Variants in CFAP74 observed in about 807,000 individuals in gnomAD.
CFAP74 encodes the protein cilia- and flagella-associated protein 74.
In CFAP74, 124 loss-of-function variants were observed where a neutral mutation model predicts 188.9. That is an observed-to-expected ratio of 0.66 (90% CI 0.57 to 0.76). CFAP74 has a LOEUF of 0.76. Among genes scored for constraint, CFAP74 ranks in the 30% least tolerant of loss-of-function variants. The probability of loss-of-function intolerance (pLI) is 0.00; values close to 1 mark genes in which losing one functional copy is unlikely to be tolerated. For synonymous variants in CFAP74, 956 were observed against 916.7 expected (o/e 1.04, Z -0.77); for missense variants, 2,198 against 2,165.2 (o/e 1.02, Z -0.30).
chr1:2,003,251 T>C (rs1280307626), intron 1 of CFAP74, among the ~76,000 whole-genome samples: 1 of 152,232 alleles, frequency 6.6e-6, no homozygotes, highest in African/African-American at 2.4e-5. Flanking sequence ...CCTCAGTACC[T>C]GGCTTATGCA....
chr1:1,966,318 C>A (rs541531696), intron 12 of CFAP74, 53 bp downstream of exon 12: 21 of 1,417,740 alleles, frequency 1.5e-5, no homozygotes, highest in Non-Finnish European at 2.0e-5. Context: ...GGCGAGCCGG[C>A]GACAGAGGGC....
At chr1:1,972,605 GGAGGCT>G (rs1397076027) in intron 8 of CFAP74, among the ~76,000 whole-genome samples, 1 of 152,260 alleles carries the variant, frequency 6.6e-6, no homozygotes, top group Non-Finnish European at 1.5e-5. Flanking sequence ...CGGCACTTTG[GGAGGCT>G]GAGGCGGGCA....
chr1:1,968,060 GTGAA>G lies in CFAP74; in HGVS notation c.1245+571_1245+574del, dbSNP rs756345151. ...AATGAATAAGTGTATCAGTGAGTGA[GTGAA>G]TGAATGAGTGAATGAGTAAAGAGTG... On this transcript the variant is annotated intron_variant, in intron 11 of 38. Coordinates refer to ENST00000682832, the MANE Select transcript of CFAP74 (RefSeq NM_001304360.2). This position sits in a 1 kb window ranked among gnomAD's most constrained non-coding sequence, Gnocchi z 4.3. 5.4e-4 allele frequency among the ~76,000 whole-genome samples: 82 copies of G among 151,666 alleles called. No individual in the cohort carries two copies. The highest frequency in any genetic ancestry group is 5.8e-4 in the East Asian group (3 of 5,176).
chr1:1,989,015 T>A (rs1214780016), intron 2 of CFAP74, 42 bp from the exon 3 acceptor site: 6 of 994,782 alleles, frequency 6.0e-6, no homozygotes, highest in Admixed American at 2.1e-5. Flanking sequence ...AAAAAGCAGA[T>A]CAAACATTTG....
chr1:1,962,734 A>G (rs1321756278), intron 14 of CFAP74, among the ~76,000 whole-genome samples: 2 of 151,896 alleles, frequency 1.3e-5, no homozygotes, highest in Non-Finnish European at 2.9e-5. Context: ...AAAATAGAAA[A>G]ATTAGCCGGG....
Position 1,924,022 on chromosome 1 carries a change from GC to G in CFAP74, c.4235-94del, listed in dbSNP as rs1329229688. 9.4e-6 allele frequency: 12 copies of G among 1,279,330 alleles called. No individual in the cohort carries two copies. The African/African-American group carries it at 9.4e-5, about 10-fold the overall frequency. The allele number at this position is 1,279,330 out of a possible 1,614,324, so 79.2% of individuals were successfully genotyped here. A position where few individuals can be genotyped will look rare whatever the true frequency, so the allele number is the denominator to read the frequency against. On this transcript the variant is annotated intron_variant, in intron 34 of 38. Coordinates refer to ENST00000682832, the MANE Select transcript of CFAP74 (RefSeq NM_001304360.2). ...CTGCATAGAGCTCTACACCCTGCCC[GC>G]CCCCCTGCAGAGCCCCTGTCCTGCC...
In CFAP74 at chr1:1,973,578, G is replaced by A. The variant is rs146028189; in HGVS notation, c.674+447C>T. Among the ~76,000 whole-genome samples the A allele has an allele frequency of 2.0e-5, 3 of 152,180 alleles. No individual in the cohort carries two copies. The highest frequency in any genetic ancestry group is 7.2e-5 in the African/African-American group (3 of 41,516). On this transcript the variant is annotated intron_variant, in intron 7 of 38. Transcript: ENST00000682832. This position sits in a 1 kb window ranked among gnomAD's most constrained non-coding sequence, Gnocchi z 6.2. The stretch of plus-strand genomic sequence containing the variant: ...GTGGCCGGGCCCTGGCTGAGCAGGA[G>A]ACTCATGACAGAAGACGTGTGGGGA...
intron 4 of CFAP74, 26 bp downstream of exon 4, chr1:1,988,486 G>C (rs1558062579): frequency 6.2e-7 from 1 of 1,606,840 alleles, no homozygotes; most frequent in East Asian, 2.2e-5. Flanking sequence ...AGAGGTGCAG[G>C]TGCAGCGGCC....
At position 1,951,794 on chromosome 1, in the gene CFAP74, G is replaced by A. The variant is rs187181986; in HGVS notation, c.2176+3897C>T. Reference sequence around the variant, plus strand: ...GTATAGAAAATCTGCTTGATGGCCAGGTGCAGTGGCTCACGCCTGTAATCT... The same window carrying A: ...GTATAGAAAATCTGCTTGATGGCCAAGTGCAGTGGCTCACGCCTGTAATCT... On this transcript the variant is annotated intron_variant, in intron 18 of 38. Coordinates refer to ENST00000682832, the MANE Select transcript of CFAP74 (RefSeq NM_001304360.2). Among the ~76,000 whole-genome samples the A allele has an allele frequency of 2.0e-5, 3 of 152,298 alleles. No individual in the cohort carries two copies. In the East Asian group the frequency reaches 5.8e-4, roughly 29 times the overall value.
chr1:1,939,252 C>T (rs754805607), intron 24 of CFAP74, among the ~76,000 whole-genome samples: 4 of 152,130 alleles, frequency 2.6e-5, no homozygotes, highest in Non-Finnish European at 4.4e-5. Flanking sequence ...GGGAGGATGG[C>T]GGTGTTGGCG....
intron 18 of CFAP74, 100 bp from the exon 19 acceptor site, chr1:1,947,154 T>C: frequency 1.1e-6 from 1 of 871,148 alleles, no homozygotes; most frequent in South Asian, 1.5e-5. Context: ...ACCCATATCC[T>C]GGGCTCTGTT....
chr1:1,999,410 A>G (rs1658086972), intron 1 of CFAP74, among the ~76,000 whole-genome samples: 1 of 152,156 alleles, frequency 6.6e-6, no homozygotes, highest in Non-Finnish European at 1.5e-5. Flanking sequence ...GTTAGCGGGG[A>G]GTCGATGGGG....
intron 1 of CFAP74, among the ~76,000 whole-genome samples, chr1:1,993,148 C>T (rs1215494706): frequency 6.8e-6 from 1 of 147,184 alleles, no homozygotes; most frequent in African/African-American, 2.5e-5. Flanking sequence ...TTGCAGTGAG[C>T]CGAGATCACG....
At chr1:1,992,113 C>T (rs182162368) in intron 1 of CFAP74, among the ~76,000 whole-genome samples, 25 of 152,094 alleles carry the variant, frequency 1.6e-4, no homozygotes, top group South Asian at 4.1e-4. Context: ...GGGCTGGCAT[C>T]GTCACGCGTT....
At chr1:1,974,319 CCCT>C (rs1656295626) in intron 6 of CFAP74, 121 bp from the exon 7 acceptor site, 1 of 956,158 alleles carries the variant, frequency 1.0e-6, no homozygotes, top group African/African-American at 1.7e-5. Context: ...TGGGTTAGCT[CCCT>C]CCTCTAGGGG....
At chr1:1,987,892 C>T (rs1002002744) in intron 4 of CFAP74, 12 of 331,166 alleles carry the variant, frequency 3.6e-5, no homozygotes, top group East Asian at 1.7e-4. Context: ...GGAGGGAAAT[C>T]GTAGTTTCCC....
chr1:1,925,677 G>A (rs893910514), intron 33 of CFAP74, 106 bp downstream of exon 33: 13 of 1,281,282 alleles, frequency 1.0e-5, no homozygotes, highest in East Asian at 2.5e-5. Flanking sequence ...GTGTCCCCAC[G>A]GGCTCTCCGA....
intron 10 of CFAP74, among the ~76,000 whole-genome samples, chr1:1,969,799 G>A (rs1380972900): frequency 6.6e-6 from 1 of 152,066 alleles, no homozygotes; most frequent in African/African-American, 2.4e-5. Context: ...GTGGCACCCA[G>A]AGGAGGATGC....
Position 1,968,569 on chromosome 1 carries a change from G to A in CFAP74, c.1245+66C>T. 7.2e-7 allele frequency: 1 copy of A among 1,386,734 alleles called. No homozygotes were observed. The highest frequency in any genetic ancestry group is 1.3e-5 in the South Asian group (1 of 79,890). 85.9% of individuals were successfully genotyped at this position (1,386,734 alleles called of 1,614,324 possible). On this transcript the variant is annotated intron_variant, in intron 11 of 38. Coordinates refer to ENST00000682832, the MANE Select transcript of CFAP74 (RefSeq NM_001304360.2). The surrounding 1 kb of genome is among the most constrained non-coding windows in gnomAD (Gnocchi z 4.3). ...TCAGAGGATGTCTCACCACACCTGA[G>A]CCCTGAGGCCCCACCTGCCCTCCAC...
Sources: gnomAD v4.1 joint callset for allele counts (sites outside exome capture counted in the v4.1 genomes callset) on GRCh38, gnomAD v4.1.1 for gene constraint, Gnocchi (gnomAD v3.1) non-coding constraint, MANE v1.5 for transcripts, NCBI Gene and HGNC (gene_info 2026-07-23, HGNC 2026-07-21) for gene names.